ERBB4: variants seen among roughly 807,000 people sequenced by gnomAD.
ERBB4 encodes the protein receptor tyrosine-protein kinase erbB-4.
ERBB4 carries 42 observed loss-of-function variants against 158.0 expected under a neutral mutation model. That is an observed-to-expected ratio of 0.27 (90% CI 0.21 to 0.34). The LOEUF (loss-of-function observed/expected upper bound fraction) is 0.34, where lower values mean the gene tolerates loss of function less well. Ranked by LOEUF, ERBB4 falls within the 10% of genes least tolerant of loss-of-function variation. ERBB4 has a pLI of 1.00. For missense variants in ERBB4, 1,333 were observed against 1,624.1 expected, an observed-to-expected ratio of 0.82 and a Z score of 3.08; for synonymous variants, 583 against 558.7, an observed-to-expected ratio of 1.04 and a Z score of -0.61.
rs527588378 is a variant in ERBB4, at chr2:212,127,698, G to A, written c.83-2795C>T. 9.9e-5 allele frequency among the ~76,000 whole-genome samples: 15 copies of A among 152,268 alleles called. No homozygotes were observed. In the East Asian group the frequency reaches 2.9e-3, roughly 29 times the overall value. On this transcript the variant is annotated intron_variant, in intron 1 of 27. Transcript: ENST00000342788. Reference sequence around the variant, plus strand: ...AATTCTTTTTTCGATGTGGACCAGGGAAGCCAAAGATTGGACGGCCCTGAT... The same window carrying A: ...AATTCTTTTTTCGATGTGGACCAGGAAAGCCAAAGATTGGACGGCCCTGAT...
At chr2:211,721,938 C>T (rs2074109933) in intron 7 of ERBB4, among the ~76,000 whole-genome samples, 1 of 152,194 alleles carries the variant, frequency 6.6e-6, no homozygotes, top group South Asian at 2.1e-4. Flanking sequence ...TCTCGGCTCA[C>T]TGCAACCTCC....
At chr2:211,831,703 A>C (rs1213557218) in intron 3 of ERBB4, among the ~76,000 whole-genome samples, 1 of 152,056 alleles carries the variant, frequency 6.6e-6, no homozygotes, top group Non-Finnish European at 1.5e-5. Flanking sequence ...GGAGTTCAAG[A>C]CCAGCCTGGC....
intron 2 of ERBB4, among the ~76,000 whole-genome samples, chr2:212,086,918 AG>A (rs2078631513): frequency 6.6e-6 from 1 of 152,132 alleles, no homozygotes; most frequent in South Asian, 2.1e-4. Flanking sequence ...TTCACATTCT[AG>A]ATAGGGTTAC....
chr2:212,456,509 C>CT (rs1688295664), intron 1 of ERBB4, among the ~76,000 whole-genome samples: 1 of 151,488 alleles, frequency 6.6e-6, no homozygotes, highest in South Asian at 2.1e-4. Flanking sequence ...TATAAAAAGA[C>CT]TGAGTCTGCT....
chr2:211,703,110 G>A (rs2073311558), intron 11 of ERBB4, among the ~76,000 whole-genome samples: 2 of 151,200 alleles, frequency 1.3e-5, no homozygotes, highest in Non-Finnish European at 2.9e-5. Flanking sequence ...ATTTTCCATG[G>A]TTGTCAGGGT....
At chr2:211,670,280 C>G (rs965107137) in intron 14 of ERBB4, among the ~76,000 whole-genome samples, 1 of 152,118 alleles carries the variant, frequency 6.6e-6, no homozygotes, top group African/African-American at 2.4e-5. Context: ...ATAGTGGGAG[C>G]AATGTTTGGG....
chr2:211,397,756 A>G (rs2062951060), intron 25 of ERBB4, among the ~76,000 whole-genome samples: 1 of 152,182 alleles, frequency 6.6e-6, no homozygotes, highest in Admixed American at 6.5e-5. Flanking sequence ...CGTGGAAAAT[A>G]GGACTGTATT....
intron 3 of ERBB4, among the ~76,000 whole-genome samples, chr2:211,854,869 A>G (rs2077812928): frequency 6.6e-6 from 1 of 152,148 alleles, no homozygotes; most frequent in Non-Finnish European, 1.5e-5. Flanking sequence ...GAATATAAAC[A>G]TAAAAGTGAA....
intron 20 of ERBB4, among the ~76,000 whole-genome samples, chr2:211,529,905 C>G (rs1297090808): frequency 6.6e-6 from 1 of 152,032 alleles, no homozygotes; most frequent in Non-Finnish European, 1.5e-5. Flanking sequence ...GGGAGAAAAA[C>G]TGAAAGCCTT....
chr2:212,388,744 T>C (rs1244146373), intron 1 of ERBB4, among the ~76,000 whole-genome samples: 2 of 152,116 alleles, frequency 1.3e-5, no homozygotes, highest in African/African-American at 4.8e-5. Flanking sequence ...TTAGGTATTA[T>C]GAAACATTAA....
intron 25 of ERBB4, among the ~76,000 whole-genome samples, chr2:211,397,159 G>A (rs1371650219): frequency 6.6e-6 from 1 of 152,052 alleles, no homozygotes; most frequent in East Asian, 1.9e-4. Flanking sequence ...AGAGCTACCT[G>A]TTGACCATAG....
At chr2:211,971,717 C>T (rs1208857061) in intron 2 of ERBB4, among the ~76,000 whole-genome samples, 4 of 152,084 alleles carry the variant, frequency 2.6e-5, no homozygotes, top group Non-Finnish European at 5.9e-5. Context: ...AAGTAGGCTT[C>T]ATTTCCAGGA....
At chr2:212,198,147 G>A (rs920002455) in intron 1 of ERBB4, among the ~76,000 whole-genome samples, 2 of 152,138 alleles carry the variant, frequency 1.3e-5, no homozygotes, top group Non-Finnish European at 2.9e-5. Flanking sequence ...TTATACTACT[G>A]AGATTGTCTG....
chr2:211,456,812 C>T (rs528229324), intron 20 of ERBB4, among the ~76,000 whole-genome samples: 5 of 152,156 alleles, frequency 3.3e-5, no homozygotes, highest in Non-Finnish European at 5.9e-5. Flanking sequence ...GATCCCACTC[C>T]TATGAGAATC....
chr2:211,822,004 G>A (rs959859053), intron 3 of ERBB4, among the ~76,000 whole-genome samples: 1 of 151,834 alleles, frequency 6.6e-6, no homozygotes, highest in Non-Finnish European at 1.5e-5. Flanking sequence ...ATAAACAAAT[G>A]GGATGAAATT....
intron 20 of ERBB4, among the ~76,000 whole-genome samples, chr2:211,485,684 G>C (rs2065185169): frequency 1.4e-5 from 2 of 139,060 alleles, no homozygotes; most frequent in South Asian, 5.2e-4. Context: ...GAATATCCAG[G>C]AACATGTCGC....
intron 1 of ERBB4, among the ~76,000 whole-genome samples, chr2:212,446,986 C>T (rs995836028): frequency 7.4e-5 from 11 of 147,942 alleles, no homozygotes; most frequent in African/African-American, 2.7e-4. Context: ...TAATTAATAC[C>T]AAATTTTTCT....
intron 1 of ERBB4, among the ~76,000 whole-genome samples, chr2:212,431,127 C>T (rs78063670): frequency 0.092 from 14,012 of 151,722 alleles, 888 homozygotes; most frequent in Non-Finnish European, 0.15. Flanking sequence ...CCTCACGCTC[C>T]TATATCCAGG....
intron 20 of ERBB4, among the ~76,000 whole-genome samples, chr2:211,518,244 A>T (rs2066089590): frequency 6.6e-6 from 1 of 152,148 alleles, no homozygotes; most frequent in Non-Finnish European, 1.5e-5. Flanking sequence ...AATTAAATAA[A>T]ATAGTCCACA....
Sources: gnomAD v4.1 joint callset for allele counts (sites outside exome capture counted in the v4.1 genomes callset) on GRCh38, gnomAD v4.1.1 for gene constraint, MANE v1.5 for transcripts, NCBI Gene and HGNC (gene_info 2026-07-23, HGNC 2026-07-21) for gene names.